The following SLC44A5 variants were observed in gnomAD, a reference collection of about 807,000 sequenced individuals.
SLC44A5 encodes choline transporter-like protein 5.
In SLC44A5, 57 loss-of-function variants were observed where a neutral mutation model predicts 101.8. That is an observed-to-expected ratio of 0.56 (90% CI 0.45 to 0.70). SLC44A5 has a LOEUF of 0.70. Ranked by LOEUF, SLC44A5 falls within the 30% of genes least tolerant of loss-of-function variation. The pLI, the probability that SLC44A5 is intolerant of heterozygous loss-of-function variation, is 0.00. For missense variants in SLC44A5, 737 were observed against 853.1 expected, an observed-to-expected ratio of 0.86 and a Z score of 1.70; for synonymous variants, 281 against 290.9, an observed-to-expected ratio of 0.97 and a Z score of 0.35.
At chr1:75,610,130 A>C (rs1440018461) in intron 1 of SLC44A5, among the ~76,000 whole-genome samples, 1 of 111,190 alleles carries the variant, frequency 9.0e-6, no homozygotes, top group African/African-American at 3.4e-5. Context: ...TATGCAAGTC[A>C]AGAAATACAC....
intron 3 of SLC44A5, among the ~76,000 whole-genome samples, chr1:75,373,348 G>A (rs992403494): frequency 1.3e-5 from 2 of 152,008 alleles, no homozygotes; most frequent in African/African-American, 4.8e-5. Flanking sequence ...CCTAAGGAAG[G>A]GGTGAGTAAA....
intron 1 of SLC44A5, among the ~76,000 whole-genome samples, chr1:75,554,279 C>T (rs1196747756): frequency 6.6e-6 from 1 of 151,892 alleles, no homozygotes; most frequent in Admixed American, 6.6e-5. Flanking sequence ...GAGTTTGAGA[C>T]CAGTCTGGCT....
At chr1:75,624,093 T>C in the SLC44A5 span, among the ~76,000 whole-genome samples, 1 of 152,062 alleles carries the variant, frequency 6.6e-6, no homozygotes, top group Non-Finnish European at 1.5e-5. Context: ...ACTAATTAGA[T>C]CATGTTAAAA....
intron 1 of SLC44A5, among the ~76,000 whole-genome samples, chr1:75,569,627 C>T (rs891210782): frequency 1.3e-5 from 2 of 151,976 alleles, no homozygotes; most frequent in Non-Finnish European, 2.9e-5. Flanking sequence ...GTAGAATTCA[C>T]GTATAACTCA....
the SLC44A5 span, among the ~76,000 whole-genome samples, chr1:75,651,087 G>A: frequency 6.6e-6 from 1 of 152,236 alleles, no homozygotes; most frequent in East Asian, 1.9e-4. Flanking sequence ...TGGCTTAACT[G>A]CTCTAAGTAA....
chr1:75,688,429 T>C, the SLC44A5 span, among the ~76,000 whole-genome samples: 5 of 152,216 alleles, frequency 3.3e-5, no homozygotes, highest in African/African-American at 1.2e-4. Flanking sequence ...TCTTAGATAT[T>C]GCCCTCTGGA....
chr1:75,281,993 G>A (rs1180786874), intron 5 of SLC44A5, among the ~76,000 whole-genome samples: 1 of 152,134 alleles, frequency 6.6e-6, no homozygotes, highest in African/African-American at 2.4e-5. Context: ...GTTAGAAGAG[G>A]CCCACCATCC....
intron 2 of SLC44A5, among the ~76,000 whole-genome samples, chr1:75,518,968 C>T (rs1669977793): frequency 6.6e-6 from 1 of 152,282 alleles, no homozygotes; most frequent in East Asian, 1.9e-4. Flanking sequence ...AAGCACTGAA[C>T]TGCATACTTT....
chr1:75,582,225 G>A (rs1831701), intron 1 of SLC44A5: 468,659 of 1,237,670 alleles, frequency 0.38, 95,864 homozygotes, highest in East Asian at 0.87. Flanking sequence ...AGGAACATGC[G>A]CTTTGCCAAG....
rs1167125855 is a variant in SLC44A5 at position 75,537,005 on chromosome 1, C to CAA, written c.13+4428_13+4429dup. On this transcript the variant is annotated intron_variant, in intron 2 of 23. Transcript: ENST00000370859. ...TGGGCGACAGAGCGAGACTCCATCT[C>CAA]AAAAAAAAAAAAAAAAAAAAAAAAA... 2.2e-3 allele frequency among the ~76,000 whole-genome samples: 18 copies of CAA among 8,278 alleles called. 1 individual carries two copies. Among genetic ancestry groups the CAA allele is most frequent in the African/African-American group, 3.7e-3 (16 of 4,274 alleles). 5.4% of individuals were successfully genotyped at this position (8,278 alleles called of 152,430 possible). A position where few individuals can be genotyped will look rare whatever the true frequency, so the allele number is the denominator to read the frequency against.
intron 1 of SLC44A5, among the ~76,000 whole-genome samples, chr1:75,564,603 T>TTTTATTTA (rs10526449): frequency 1.9e-3 from 261 of 138,068 alleles, no homozygotes; most frequent in Middle Eastern, 7.2e-3. Flanking sequence ...TTTTTTTAAT[T>TTTTATTTA]TTTATTTATT....
chr1:75,586,529 T>C (rs1389568987), intron 1 of SLC44A5, among the ~76,000 whole-genome samples: 1 of 108,376 alleles, frequency 9.2e-6, no homozygotes, highest in Non-Finnish European at 2.1e-5. Flanking sequence ...ATTTTAGATG[T>C]CTGGAGTTTG....
At chr1:75,378,537 A>T (rs1660765663) in intron 3 of SLC44A5, among the ~76,000 whole-genome samples, 1 of 81,536 alleles carries the variant, frequency 1.2e-5, no homozygotes, top group Non-Finnish European at 2.1e-5. Context: ...TGTTTAATAG[A>T]TTGTAATGAA....
intron 1 of SLC44A5, among the ~76,000 whole-genome samples, chr1:75,572,193 C>G (rs1479905987): frequency 6.6e-6 from 1 of 152,128 alleles, no homozygotes; most frequent in South Asian, 2.1e-4. Flanking sequence ...AGGGTGATGT[C>G]CATGGAACAG....
At chr1:75,525,492 TG>T (rs1286866171) in intron 2 of SLC44A5, among the ~76,000 whole-genome samples, 1 of 152,114 alleles carries the variant, frequency 6.6e-6, no homozygotes, top group African/African-American at 2.4e-5. Context: ...ATCCAGAATG[TG>T]GGACAATACA....
intron 1 of SLC44A5, among the ~76,000 whole-genome samples, chr1:75,578,802 CAA>C (rs554858309): frequency 1.8e-3 from 281 of 152,164 alleles, no homozygotes; most frequent in Non-Finnish European, 3.3e-3. Flanking sequence ...TCACCACAAA[CAA>C]TATGTGAGGT....
upstream of SLC44A5, among the ~76,000 whole-genome samples, chr1:75,615,299 G>A (rs1198196941): frequency 6.6e-6 from 1 of 152,046 alleles, no homozygotes; most frequent in East Asian, 1.9e-4. Context: ...ATCTCCTCCT[G>A]AGGATGGAGG....
intron 2 of SLC44A5, among the ~76,000 whole-genome samples, chr1:75,465,929 T>G (rs1278660496): frequency 6.6e-6 from 1 of 152,204 alleles, no homozygotes; most frequent in Admixed American, 6.5e-5. Context: ...ATGGCTTCAC[T>G]GCTGAATTCT....
chr1:75,635,564 CCAAA>C, the SLC44A5 span, among the ~76,000 whole-genome samples: 2 of 149,142 alleles, frequency 1.3e-5, no homozygotes, highest in African/African-American at 5.0e-5. Context: ...GGACAAATAA[CCAAA>C]CACCGCATGT....
Sources: allele counts gnomAD v4.1 joint callset (sites outside exome capture counted in the v4.1 genomes callset), GRCh38; gene constraint gnomAD v4.1.1; transcripts MANE v1.5; gene names NCBI Gene and HGNC (gene_info 2026-07-23, HGNC 2026-07-21).